Variants in RERE observed in about 807,000 individuals in gnomAD.
RERE encodes arginine-glutamic acid dipeptide repeats, also known as arginine-glutamic acid dipeptide repeats protein.
In RERE, 40 loss-of-function variants were observed where a neutral mutation model predicts 146.1. The ratio of observed to expected loss-of-function variants is 0.27; its 90% CI spans 0.21 to 0.36. The LOEUF is 0.36. RERE is among the 10% of genes least tolerant of loss of function. The probability of loss-of-function intolerance (pLI) is 1.00; values close to 1 mark genes in which losing one functional copy is unlikely to be tolerated. For missense variants in RERE, 1,933 were observed against 2,138.7 expected (o/e 0.90, Z 1.90); for synonymous variants, 1,003 against 866.0 (o/e 1.16, Z -2.78).
chr1:8,521,507 ATGT>A (rs1478388401), intron 7 of RERE, among the ~76,000 whole-genome samples: 3 of 152,178 alleles, frequency 2.0e-5, no homozygotes, highest in Non-Finnish European at 2.9e-5. Flanking sequence ...TTAAAAATAT[ATGT>A]TGTTGTTGAG....
intron 7 of RERE, among the ~76,000 whole-genome samples, chr1:8,509,868 T>A (rs1044746826): frequency 1.3e-5 from 2 of 152,218 alleles, no homozygotes; most frequent in African/African-American, 4.8e-5. Context: ...TTTTCTCTCA[T>A]GGATCTGATA....
At chr1:8,749,428 G>GA (rs35901893) in intron 1 of RERE, among the ~76,000 whole-genome samples, 247 of 142,038 alleles carry the variant, frequency 1.7e-3, no homozygotes, top group Middle Eastern at 7.0e-3. Context: ...TTTTGCTCTG[G>GA]AAAAAAAAAA....
At chr1:8,577,963 C>T (rs1013885627) in intron 4 of RERE, among the ~76,000 whole-genome samples, 4 of 152,024 alleles carry the variant, frequency 2.6e-5, no homozygotes, top group African/African-American at 4.8e-5. Context: ...CGGTGGCGGG[C>T]GCCTGTAGTC....
chr1:8,680,225 TA>T (rs1205396537), intron 1 of RERE, among the ~76,000 whole-genome samples: 1 of 151,798 alleles, frequency 6.6e-6, no homozygotes, highest in East Asian at 1.9e-4. Flanking sequence ...ATTACTTCAC[TA>T]AAAGAAAAAA....
chr1:8,575,534 A>AATATAT lies in RERE; in HGVS notation c.523-18017_523-18012dup, dbSNP rs67724601. 3.1e-3 allele frequency among the ~76,000 whole-genome samples: 349 copies of AATATAT among 114,002 alleles called. 1 individual carries two copies. Among genetic ancestry groups the AATATAT allele is most frequent in the Admixed American group, 5.7e-3 (56 of 9,790 alleles). The allele number at this position is 114,002 out of a possible 152,430, so 74.8% of individuals were successfully genotyped here. ...CTGTGCCACCACACCTGGCTAATTT[A>AATATAT]ATATATATATATATATATATATATA... On this transcript the variant is annotated intron_variant, in intron 4 of 22. Transcript: ENST00000400908.
chr1:8,545,776 C>T (rs1166338474), intron 6 of RERE, among the ~76,000 whole-genome samples: 6 of 150,168 alleles, frequency 4.0e-5, no homozygotes, highest in South Asian at 2.1e-4. Context: ...CTCCGCCTCC[C>T]GGGTTCAAGC....
rs1014181965 is a variant in RERE at position 8,358,645 on chromosome 1, G to T, written c.3890C>A (p.Pro1297His). 6.3e-7 allele frequency: 1 copy of T among 1,585,182 alleles called. No homozygotes were observed. The highest frequency in any genetic ancestry group is 1.3e-5 in the African/African-American group (1 of 74,268). ...YHMPGLYNVD[P>H]TIRERELRER... Reference sequence around the variant, plus strand: ...CCGGAGCTCCCGCTCGCGGATGGTGGGGTCGACGTTGTAGAGGCCAGGCAT... The same window carrying T: ...CCGGAGCTCCCGCTCGCGGATGGTGTGGTCGACGTTGTAGAGGCCAGGCAT... The change falls in exon 20 of 23, where the codon CCC (proline) becomes CAC (histidine). Residue 1297 changes from proline (P) to histidine (H), a missense_variant. This residue lies in a region of RERE where 1,255 missense variants were observed against 1,153.8 expected (regional missense o/e 1.09). Transcript: ENST00000400908.
rs181043455 is a variant in RERE at position 8,352,688 on chromosome 1, G to C, written c.*2399C>G. The C allele has an allele frequency of 6.6e-6, 1 of 152,402 alleles. No individual in the cohort carries two copies. The highest frequency in any genetic ancestry group is 2.4e-5 in the African/African-American group (1 of 41,562). The allele number at this position is 152,402 out of a possible 1,614,324, so 9.4% of individuals were successfully genotyped here. ...GAGCCAAACCAAACCCCGAACAAAGGGAGGAAAATCCGAAGGAAACCGAGT... is the reference window on the plus strand; with the variant it reads ...GAGCCAAACCAAACCCCGAACAAAGCGAGGAAAATCCGAAGGAAACCGAGT... On this transcript the variant is annotated 3_prime_UTR_variant, in exon 23 of 23. Transcript: ENST00000400908.
intron 7 of RERE, among the ~76,000 whole-genome samples, chr1:8,523,286 G>C (rs1481911004): frequency 6.6e-6 from 1 of 152,166 alleles, no homozygotes; most frequent in Non-Finnish European, 1.5e-5. Flanking sequence ...AACTTATGTT[G>C]ACAGAGGAAC....
chr1:8,472,851 G>A (rs1315785015), intron 10 of RERE, among the ~76,000 whole-genome samples: 1 of 150,862 alleles, frequency 6.6e-6, no homozygotes, highest in African/African-American at 2.4e-5. Context: ...TGTGGCAGTG[G>A]TGCTTTTTTT....
intron 8 of RERE, among the ~76,000 whole-genome samples, chr1:8,503,840 C>G (rs1257527222): frequency 6.6e-6 from 1 of 152,088 alleles, no homozygotes; most frequent in Non-Finnish European, 1.5e-5. Context: ...CAATACCAAG[C>G]TGTTTTCAAT....
chr1:8,565,486 C>T (rs909721641), intron 4 of RERE, among the ~76,000 whole-genome samples: 1 of 152,180 alleles, frequency 6.6e-6, no homozygotes, highest in African/African-American at 2.4e-5. Flanking sequence ...GCAGGTGGAT[C>T]ACCTGAGGTC....
intron 11 of RERE, among the ~76,000 whole-genome samples, chr1:8,445,125 G>A (rs1348647708): frequency 3.3e-5 from 5 of 152,148 alleles, no homozygotes; most frequent in African/African-American, 4.8e-5. Flanking sequence ...GCTTCATAGG[G>A]ATAAAATATT....
At chr1:8,361,925 C>T (rs1253411886) in intron 16 of RERE, 49 bp from the exon 17 acceptor site, 1 of 1,294,550 alleles carries the variant, frequency 7.7e-7, no homozygotes, top group South Asian at 1.2e-5. Flanking sequence ...GGAGACCATC[C>T]CATCAGCCTC....
chr1:8,439,389 C>T (rs1349744243), intron 11 of RERE, among the ~76,000 whole-genome samples: 1 of 152,194 alleles, frequency 6.6e-6, no homozygotes, highest in Non-Finnish European at 1.5e-5. Context: ...GAAACCTGAT[C>T]TAAATGCATC....
intron 12 of RERE, among the ~76,000 whole-genome samples, chr1:8,368,264 G>T (rs1013451256): frequency 2.0e-5 from 3 of 152,146 alleles, no homozygotes; most frequent in Non-Finnish European, 4.4e-5. Flanking sequence ...GAGGTCAGGA[G>T]ATTGAGACCA....
In RERE at chr1:8,352,510, T is replaced by C. The variant is rs1261948495; in HGVS notation, c.*2577A>G. The C allele has an allele frequency of 3.3e-5, 5 of 152,504 alleles. No individual in the cohort carries two copies. Among genetic ancestry groups the C allele is most frequent in the Non-Finnish European group, 7.3e-5 (5 of 68,048 alleles). 9.4% of individuals were successfully genotyped at this position (152,504 alleles called of 1,614,324 possible). On this transcript the variant is annotated 3_prime_UTR_variant, in exon 23 of 23. Transcript: ENST00000400908. ...TCACGATTTCTGGGTGTCTACTGTT[T>C]ACACTGTGTTATCTCATGGCAAACT...
chr1:8,672,104 C>T (rs1480800909), intron 1 of RERE, among the ~76,000 whole-genome samples: 1 of 151,820 alleles, frequency 6.6e-6, no homozygotes, highest in Non-Finnish European at 1.5e-5. Context: ...TAGCAAGCTC[C>T]CATATCTCCA....
At position 8,355,534 on chromosome 1, in the gene RERE, G is replaced by A; in HGVS notation, c.4552C>T (p.Gln1518Ter). 6.2e-7 allele frequency: 1 copy of A among 1,608,884 alleles called. No homozygotes were observed. Among genetic ancestry groups the A allele is most frequent in the Non-Finnish European group, 8.5e-7 (1 of 1,177,458 alleles). Residue 1518 changes from glutamine (Q) to a stop codon, truncating the protein, a stop_gained, in exon 22 of 23, where the codon CAG becomes TAG. Coordinates refer to ENST00000400908, the MANE Select transcript of RERE (RefSeq NM_001042681.2). LOFTEE classifies it high-confidence loss of function. Reference protein sequence around the residue: ...PPPMSAAHQLQAMHAQSAELQ... With the variant: ...PPPMSAAHQL The stretch of plus-strand genomic sequence containing the variant: ...TCGGCCGACTGGGCATGCATGGCCT[G>A]CAGCTGGTGGGCTGCTGACATGGGG...
Sources: gnomAD v4.1 joint callset for allele counts (sites outside exome capture counted in the v4.1 genomes callset) on GRCh38, gnomAD v4.1.1 for gene constraint, gnomAD v4.1.1 regional missense constraint, MANE v1.5 for transcripts, NCBI Gene and HGNC (gene_info 2026-07-23, HGNC 2026-07-21) for gene names.